DOK5: variants seen among roughly 807,000 people sequenced by gnomAD.
DOK5 encodes the protein downstream of tyrosine kinase 5.
DOK5 carries 27 observed loss-of-function variants against 43.3 expected under a neutral mutation model. The ratio of observed to expected loss-of-function variants is 0.62; its 90% CI spans 0.46 to 0.86. The LOEUF (loss-of-function observed/expected upper bound fraction) is 0.86. DOK5 is among the 40% of genes least tolerant of loss of function. DOK5 has a pLI of 0.00. For synonymous variants in DOK5, 146 were observed against 140.1 expected (o/e 1.04, Z -0.30); for missense variants, 373 against 392.9 (o/e 0.95, Z 0.43).
intron 6 of DOK5, among the ~76,000 whole-genome samples, chr20:54,636,881 G>A (rs55637621): frequency 0.14 from 21,766 of 152,164 alleles, 2,294 homozygotes; most frequent in African/African-American, 0.29. Context: ...AAACAGTCAC[G>A]AGACAATTAA....
At chr20:54,612,943 G>A (rs1030431119) in intron 6 of DOK5, among the ~76,000 whole-genome samples, 5 of 152,174 alleles carry the variant, frequency 3.3e-5, no homozygotes, top group Non-Finnish European at 7.4e-5. Context: ...AAGGGTAATA[G>A]TATTTATCTT....
chr20:54,485,632 G>A (rs1981902727), intron 1 of DOK5, among the ~76,000 whole-genome samples: 1 of 152,164 alleles, frequency 6.6e-6, no homozygotes, highest in South Asian at 2.1e-4. Context: ...TTGTGTAGAG[G>A]TTTTCACGTG....
At chr20:54,588,375 G>C in intron 2 of DOK5, 108 bp from the exon 3 acceptor site, 1 of 819,100 alleles carries the variant, frequency 1.2e-6, no homozygotes. Flanking sequence ...TCAACAGGTT[G>C]TGCTCAGCTG....
chr20:54,559,545 A>G (rs1269078393), intron 2 of DOK5, among the ~76,000 whole-genome samples: 1 of 152,042 alleles, frequency 6.6e-6, no homozygotes, highest in Non-Finnish European at 1.5e-5. Flanking sequence ...TCATGATTAA[A>G]TGTTGTGTGG....
At chr20:54,524,557 TG>T (rs1175207781) in intron 1 of DOK5, among the ~76,000 whole-genome samples, 1 of 152,100 alleles carries the variant, frequency 6.6e-6, no homozygotes, top group Non-Finnish European at 1.5e-5. Flanking sequence ...AACCATACTG[TG>T]GGGTAGCTAT....
chr20:54,610,384 A>G lies in DOK5; in HGVS notation c.600-4A>G. On this transcript the variant is annotated splice_region_variant and splice_polypyrimidine_tract_variant and intron_variant, in intron 5 of 7. Transcript: ENST00000262593. ...CAGAAGCTGTTTTGTTTTTGTTTTC[A>G]CAGGATGTGTGAGACTGGTGAAGGG... 6.6e-7 allele frequency: 1 copy of G among 1,509,694 alleles called. No homozygotes were observed. The highest frequency in any genetic ancestry group is 8.9e-7 in the Non-Finnish European group (1 of 1,129,592). 93.5% of individuals were successfully genotyped at this position (1,509,694 alleles called of 1,614,324 possible). A position where few individuals can be genotyped will look rare whatever the true frequency, so the allele number is the denominator to read the frequency against.
chr20:54,639,785 A>C (rs1307149833), intron 6 of DOK5, among the ~76,000 whole-genome samples: 1 of 152,242 alleles, frequency 6.6e-6, no homozygotes, highest in African/African-American at 2.4e-5. Context: ...GAAATAAAGA[A>C]GAGTTAAATT....
chr20:54,528,499 A>G (rs1446094003), intron 1 of DOK5, among the ~76,000 whole-genome samples: 1 of 151,974 alleles, frequency 6.6e-6, no homozygotes, highest in Non-Finnish European at 1.5e-5. Context: ...TCCACGCATC[A>G]TGTATCTTCA....
chr20:54,499,044 T>G (rs976540753), intron 1 of DOK5, among the ~76,000 whole-genome samples: 1 of 152,204 alleles, frequency 6.6e-6, no homozygotes, highest in East Asian at 1.9e-4. Flanking sequence ...CCCAATTTCA[T>G]GGATGAAGAA....
chr20:54,496,574 T>C (rs541480845), intron 1 of DOK5, among the ~76,000 whole-genome samples: 4 of 152,178 alleles, frequency 2.6e-5, no homozygotes, highest in East Asian at 3.9e-4. Flanking sequence ...GAGACCATCC[T>C]GGCCAACACG....
At chr20:54,541,492 G>A (rs1984156678) in intron 1 of DOK5, among the ~76,000 whole-genome samples, 1 of 152,234 alleles carries the variant, frequency 6.6e-6, no homozygotes, top group Admixed American at 6.5e-5. Flanking sequence ...CTGGAGTGCA[G>A]TGGTGCAATC....
chr20:54,603,763 C>T (rs1986372654), intron 5 of DOK5, among the ~76,000 whole-genome samples: 2 of 152,050 alleles, frequency 1.3e-5, no homozygotes, highest in Non-Finnish European at 2.9e-5. Flanking sequence ...TTACAAGCTC[C>T]TTAGAAATTC....
chr20:54,625,966 T>G (rs760177633), intron 6 of DOK5, among the ~76,000 whole-genome samples: 14 of 152,212 alleles, frequency 9.2e-5, no homozygotes, highest in Non-Finnish European at 1.9e-4. Flanking sequence ...ATCTCTGCCT[T>G]CAGGAAGGAG....
chr20:54,639,161 C>T (rs1053460036), intron 6 of DOK5, among the ~76,000 whole-genome samples: 12 of 152,198 alleles, frequency 7.9e-5, no homozygotes, highest in African/African-American at 2.9e-4. Context: ...GGTGCACAGG[C>T]ATGGCCTCTT....
At chr20:54,616,770 C>CTTTTTTTTTTTTTTTT (rs768379251) in intron 6 of DOK5, among the ~76,000 whole-genome samples, 1 of 120,680 alleles carries the variant, frequency 8.3e-6, no homozygotes. Flanking sequence ...GATCCACTTT[C>CTTTTTTTTTTTTTTTT]TTTTTTTTTT....
chr20:54,607,308 A>G (rs923236232), intron 5 of DOK5, among the ~76,000 whole-genome samples: 11 of 151,990 alleles, frequency 7.2e-5, no homozygotes, highest in African/African-American at 2.4e-4. Flanking sequence ...CCTAGGTCAT[A>G]GTGAGTTTGA....
chr20:54,642,349 T>G (rs1300782363), intron 6 of DOK5, among the ~76,000 whole-genome samples: 2 of 152,058 alleles, frequency 1.3e-5, no homozygotes, highest in Non-Finnish European at 2.9e-5. Flanking sequence ...CAATACTTGT[T>G]CAAACAGACT....
chr20:54,513,473 A>C (rs1225048816), intron 1 of DOK5, among the ~76,000 whole-genome samples: 10 of 150,432 alleles, frequency 6.6e-5, no homozygotes, highest in Non-Finnish European at 1.3e-4. Flanking sequence ...AAAAAAAAAA[A>C]AAAAAAAAAA....
At chr20:54,502,171 A>G (rs1374186240) in intron 1 of DOK5, among the ~76,000 whole-genome samples, 2 of 152,232 alleles carry the variant, frequency 1.3e-5, no homozygotes, top group African/African-American at 2.4e-5. Flanking sequence ...AGACCAATTT[A>G]ATAACCATTA....
Sources: gnomAD v4.1 joint callset for allele counts (sites outside exome capture counted in the v4.1 genomes callset) on GRCh38, gnomAD v4.1.1 for gene constraint, MANE v1.5 for transcripts, NCBI Gene and HGNC (gene_info 2026-07-23, HGNC 2026-07-21) for gene names.